Variants in SHOC1 observed in about 807,000 individuals in gnomAD.
SHOC1 encodes the protein shortage in chiasmata 1.
SHOC1 carries 136 observed loss-of-function variants against 179.2 expected under a neutral mutation model. That is an observed-to-expected ratio of 0.76 (90% CI 0.66 to 0.87). The LOEUF (loss-of-function observed/expected upper bound fraction) is 0.87, where lower values mean the gene tolerates loss of function less well. SHOC1 is among the 40% of genes least tolerant of loss of function. The pLI, the probability that SHOC1 is intolerant of heterozygous loss-of-function variation, is 0.00. For missense variants in SHOC1, 1,538 were observed against 1,700.8 expected (o/e 0.90, Z 1.68); for synonymous variants, 489 against 586.6 (o/e 0.83, Z 2.41).
chr9:111,744,184 A>G (rs947720976), intron 10 of SHOC1, among the ~76,000 whole-genome samples: 1 of 145,716 alleles, frequency 6.9e-6, no homozygotes, highest in African/African-American at 2.5e-5. Flanking sequence ...CCAGTCTGTC[A>G]TAACAGATGG....
At chr9:111,717,050 T>A (rs929957798) in intron 16 of SHOC1, among the ~76,000 whole-genome samples, 1 of 152,210 alleles carries the variant, frequency 6.6e-6, no homozygotes, top group East Asian at 1.9e-4. Flanking sequence ...TTATTACTCA[T>A]GATATTAAAA....
chr9:111,770,590 T>C lies in SHOC1; in HGVS notation c.442+5201A>G, dbSNP rs550860414. ...TCTAGTGTGTAGTTTATGCTCTTTG[T>C]TGATTTTCTGTCTGGATGATCTGTC... is the stretch of plus-strand genomic sequence containing the variant. On this transcript the variant is annotated intron_variant, in intron 5 of 27. Coordinates refer to ENST00000682961, the MANE Select transcript of SHOC1 (RefSeq NM_001378211.1). 1.3e-4 allele frequency among the ~76,000 whole-genome samples: 20 copies of C among 152,270 alleles called. No individual in the cohort carries two copies. The Middle Eastern group carries it at 0.014, about 104-fold the overall frequency.
In SHOC1 at chr9:111,691,626, T is replaced by G. The variant is rs753334208; in HGVS notation, c.4351A>C (p.Arg1451=). The G allele has an allele frequency of 6.2e-7, 1 of 1,613,966 alleles. No homozygotes were observed. Among genetic ancestry groups the G allele is most frequent in the South Asian group, 1.1e-5 (1 of 91,072 alleles). ...TTCTGTCCTAAACTTTTTCCAGCTC[T>G]TTGGTAGAAATAAAGGCTGTTGAAT... ...KEFNSLYFYQ[R]AGKSLGQKRH... Residue 1451 remains arginine (R), a synonymous_variant, in exon 27 of 28, where the codon AGA becomes CGA. Transcript: ENST00000682961.
At chr9:111,742,924 C>A (rs190175278) in intron 10 of SHOC1, among the ~76,000 whole-genome samples, 2 of 152,310 alleles carry the variant, frequency 1.3e-5, no homozygotes, top group Non-Finnish European at 1.5e-5. Context: ...AATATAGACA[C>A]ACATTTTCAC....
chr9:111,727,648 T>C lies in SHOC1; in HGVS notation c.1819A>G (p.Ser607Gly), dbSNP rs772202790. 4 of 1,579,632 alleles carry C rather than the reference T, an allele frequency of 2.5e-6. No individual in the cohort carries two copies. Among genetic ancestry groups the C allele is most frequent in the Non-Finnish European group, 3.4e-6 (4 of 1,166,756 alleles). Residue 607 changes from serine (S) to glycine (G), a missense_variant, in exon 13 of 28, where the codon AGT (serine) becomes GGT (glycine). Transcript: ENST00000682961. Reference protein sequence around the residue: ...TCTSKTEVTNSDEKHDKEACS... With the variant: ...TCTSKTEVTNGDEKHDKEACS... ...AATTACTTACCATGTTTTTCATCAC[T>C]GTTTGTGACTTCAGTCTTTGAGGTG... is the stretch of plus-strand genomic sequence containing the variant.
chr9:111,731,334 CATACCATTCTCAT>C (rs1466493253), intron 12 of SHOC1, among the ~76,000 whole-genome samples: 1 of 152,218 alleles, frequency 6.6e-6, no homozygotes, highest in Non-Finnish European at 1.5e-5. Context: ...CAGTTCTCAA[CATACCATTCTCAT>C]TTAATCATTT....
At chr9:111,739,371 A>G (rs979984913) in intron 11 of SHOC1, among the ~76,000 whole-genome samples, 6 of 152,156 alleles carry the variant, frequency 3.9e-5, no homozygotes, top group Non-Finnish European at 7.4e-5. Context: ...TGACATATTT[A>G]TACATTCATG....
chr9:111,749,187 G>A (rs879856846), intron 8 of SHOC1, among the ~76,000 whole-genome samples: 24 of 152,018 alleles, frequency 1.6e-4, no homozygotes, highest in South Asian at 2.1e-4. Context: ...AAATTATGAT[G>A]CATCTTATAA....
intron 24 of SHOC1, among the ~76,000 whole-genome samples, chr9:111,695,299 T>A (rs1831638310): frequency 6.6e-6 from 1 of 152,150 alleles, no homozygotes; most frequent in South Asian, 2.1e-4. Flanking sequence ...ACTTTTTTTC[T>A]TTTATAAGAA....
intron 1 of SHOC1, among the ~76,000 whole-genome samples, chr9:111,792,334 G>A (rs1374984328): frequency 6.6e-6 from 1 of 152,162 alleles, no homozygotes; most frequent in East Asian, 1.9e-4. Context: ...TGTAATCCCA[G>A]CACTTTGAGA....
chr9:111,714,424 G>A (rs369289835), intron 17 of SHOC1, 21 bp downstream of exon 17: 16 of 1,605,368 alleles, frequency 1.0e-5, no homozygotes, highest in East Asian at 4.5e-5. Flanking sequence ...TTATTTTACC[G>A]GCTTTATTCC....
chr9:111,756,554 ATTTGCTTAAATGATG>A, intron 7 of SHOC1, 76 bp from the exon 8 acceptor site: 5 of 1,332,192 alleles, frequency 3.8e-6, no homozygotes, highest in Non-Finnish European at 5.2e-6. Context: ...AGTGGACAAA[ATTTGCTTAAATGATG>A]TGCCAAATTT....
Position 111,727,960 on chromosome 9 carries a change from G to A in SHOC1, c.1507C>T (p.Pro503Ser). The A allele has an allele frequency of 6.2e-7, 1 of 1,612,988 alleles. No homozygotes were observed. Among genetic ancestry groups the A allele is most frequent in the East Asian group, 2.2e-5 (1 of 44,746 alleles). Reference sequence around the variant, plus strand: ...TCTGGTACTTCTTTTGCCAGAGATGGACTCTTTTGTGGAAGTGATAAATGA... The same window carrying A: ...TCTGGTACTTCTTTTGCCAGAGATGAACTCTTTTGTGGAAGTGATAAATGA... Reference protein sequence around the residue: ...NAHLSLPQKSPSLAKEVPDLC... With the variant: ...NAHLSLPQKSSSLAKEVPDLC... The change falls in exon 13 of 28, where the codon CCA becomes TCA. Residue 503 changes from proline (P) to serine (S), a missense_variant. By Grantham distance (74) the Pro-to-Ser change is moderately conservative. Transcript: ENST00000682961.
intron 27 of SHOC1, among the ~76,000 whole-genome samples, chr9:111,690,163 C>T (rs957548541): frequency 1.2e-4 from 18 of 152,222 alleles, no homozygotes; most frequent in African/African-American, 4.3e-4. Context: ...GTGGCTCACT[C>T]CTGTAATCCC....
intron 16 of SHOC1, among the ~76,000 whole-genome samples, chr9:111,715,642 T>G (rs898089716): frequency 2.0e-5 from 3 of 152,194 alleles, no homozygotes; most frequent in Admixed American, 2.0e-4. Context: ...TAACTTGTCC[T>G]CTTCAATCTA....
intron 5 of SHOC1, among the ~76,000 whole-genome samples, chr9:111,770,621 C>T (rs1337759033): frequency 1.3e-5 from 2 of 152,064 alleles, no homozygotes; most frequent in African/African-American, 2.4e-5. Flanking sequence ...CTGTCCATTA[C>T]TGAGAGTGGG....
At chr9:111,756,129 A>AACAACG (rs1212236566) in intron 8 of SHOC1, among the ~76,000 whole-genome samples, 196 bp downstream of exon 8, 2 of 152,068 alleles carry the variant, frequency 1.3e-5, no homozygotes, top group African/African-American at 4.8e-5. Flanking sequence ...TCTCGACAAC[A>AACAACG]ACAACAACAA....
At chr9:111,785,789 T>C in intron 3 of SHOC1, 123 bp downstream of exon 3, 1 of 742,386 alleles carries the variant, frequency 1.3e-6, no homozygotes, top group Non-Finnish European at 1.9e-6. Flanking sequence ...TTCTTGGAAT[T>C]CTGACATGAG....
intron 3 of SHOC1, among the ~76,000 whole-genome samples, chr9:111,784,610 T>A (rs898454838): frequency 1.3e-5 from 2 of 152,200 alleles, no homozygotes; most frequent in East Asian, 1.9e-4. Context: ...TTTCTTAAAA[T>A]TGTCCAGTGA....
Sources: gnomAD v4.1 joint callset for allele counts (sites outside exome capture counted in the v4.1 genomes callset) on GRCh38, gnomAD v4.1.1 for gene constraint, MANE v1.5 for transcripts, NCBI Gene and HGNC (gene_info 2026-07-23, HGNC 2026-07-21) for gene names.